Variants in MYO19 observed in about 807,000 individuals in gnomAD.
MYO19 encodes the protein myosin XIX, also known as unconventional myosin-XIX.
Under a neutral mutation model 129.2 loss-of-function variants are expected in MYO19, and 132 were observed. That is an observed-to-expected ratio of 1.02 (90% CI 0.89 to 1.18). The LOEUF (loss-of-function observed/expected upper bound fraction) is 1.18. MYO19 is among the 50% of genes most tolerant of loss of function. The probability of loss-of-function intolerance (pLI) is 0.00; values close to 1 mark genes in which losing one functional copy is unlikely to be tolerated. For synonymous variants in MYO19, 531 were observed against 477.2 expected, an observed-to-expected ratio of 1.11 and a Z score of -1.47; for missense variants, 1,210 against 1,216.7, an observed-to-expected ratio of 0.99 and a Z score of 0.08.
Position 36,503,175 on chromosome 17 carries a change from GT to G in MYO19, c.2001del (p.Glu667AspfsTer6), listed in dbSNP as rs772706082. The G allele has an allele frequency of 1.2e-4, 196 of 1,613,890 alleles. No homozygotes were observed. The highest frequency in any genetic ancestry group is 1.6e-4 in the Non-Finnish European group (190 of 1,179,890). ...PIRVSHRNFV[E>X]RYKLLRRLHP... The stretch of plus-strand genomic sequence containing the variant: ...TGAAGCCTTCTTAGTAACTTGTATC[GT>G]TCTACAAAGTTTCGGTGAGAGACCC... On this transcript the variant is annotated frameshift_variant, in exon 21 of 26. Coordinates refer to ENST00000614623, the MANE Select transcript of MYO19 (RefSeq NM_001163735.2). LOFTEE classifies it high-confidence loss of function.
intron 6 of MYO19, among the ~76,000 whole-genome samples, chr17:36,518,552 A>ATATATATG (rs1384289873): frequency 2.5e-5 from 2 of 78,924 alleles, no homozygotes; most frequent in African/African-American, 1.0e-4. Context: ...ATATATATAT[A>ATATATATG]TGTGTATGTG....
At chr17:36,522,040 A>G (rs2073167136) in intron 6 of MYO19, among the ~76,000 whole-genome samples, 1 of 150,902 alleles carries the variant, frequency 6.6e-6, no homozygotes, top group East Asian at 1.9e-4. Flanking sequence ...AAAAAAAAAA[A>G]AAAAAAAGAA....
Position 36,507,093 on chromosome 17 carries a change from C to A in MYO19, c.1514G>T (p.Arg505Leu), listed in dbSNP as rs201468610. Residue 505 changes from arginine (R) to leucine (L), a missense_variant, in exon 17 of 26, where the codon CGC becomes CTC. Arg to Leu is a moderately radical substitution (Grantham distance 102). Coordinates refer to ENST00000614623, the MANE Select transcript of MYO19 (RefSeq NM_001163735.2). ...GCTGCCTGCCAGGGCAGTCTCAATG[C>A]GTGTCTGGAGCTGGGCTGCGCTGCT... ...RPSSAAQLQTRIETALAGSPC... is the reference protein window; with the variant it reads ...RPSSAAQLQTLIETALAGSPC... 6.2e-6 allele frequency: 10 copies of A among 1,612,892 alleles called. No homozygotes were observed. The highest frequency in any genetic ancestry group is 1.1e-5 in the South Asian group (1 of 91,040).
At chr17:36,501,580 A>G (rs1401386698) in intron 21 of MYO19, 2 of 214,278 alleles carry the variant, frequency 9.3e-6, no homozygotes, top group East Asian at 2.1e-4. Flanking sequence ...CAGGCTGCTC[A>G]GCCAGCATTT....
chr17:36,537,501 G>A (rs768280179), upstream of MYO19: 5 of 1,613,994 alleles, frequency 3.1e-6, no homozygotes, highest in South Asian at 4.4e-5. Flanking sequence ...CTGTTTCCGT[G>A]TAATTACCAG....
chr17:36,502,182 T>C (rs893724660), intron 21 of MYO19, among the ~76,000 whole-genome samples: 2 of 152,096 alleles, frequency 1.3e-5, no homozygotes, highest in African/African-American at 4.8e-5. Flanking sequence ...CTTGGCCTGT[T>C]CTCCCTCTGC....
upstream of MYO19, chr17:36,537,612 G>C: frequency 6.2e-7 from 1 of 1,614,172 alleles, no homozygotes; most frequent in Non-Finnish European, 8.5e-7. Context: ...GGATTTTGGA[G>C]TAGGTGGCTT....
intron 25 of MYO19, chr17:36,497,796 G>T (rs1478498364): frequency 6.4e-6 from 1 of 155,836 alleles, no homozygotes; most frequent in Non-Finnish European, 1.4e-5. Flanking sequence ...TGTTGGCCAG[G>T]CTGGTCTTGA....
rs2072316824 is a variant in MYO19, at chr17:36,511,426, A to G, written c.924T>C (p.Asn308=). 1 of 1,569,038 alleles carries G rather than the reference A, an allele frequency of 6.4e-7. No individual in the cohort carries two copies. Among genetic ancestry groups the G allele is most frequent in the African/African-American group, 1.4e-5 (1 of 73,726 alleles). The change falls in exon 12 of 26, where the codon AAT becomes AAC. Residue 308 remains asparagine, a synonymous_variant. Coordinates refer to ENST00000614623, the MANE Select transcript of MYO19 (RefSeq NM_001163735.2). ...CATCCTCGGAGGCAGCAAACTGGAT[A>G]TTGCCAAGGTGCAGCAGTCCAGCTA... is the stretch of plus-strand genomic sequence containing the variant. The part of the protein sequence containing the change: ...KVLAGLLHLG[N]IQFAASEDEA...
At chr17:36,526,340 G>A (rs188798640) in intron 5 of MYO19, among the ~76,000 whole-genome samples, 19 of 151,996 alleles carry the variant, frequency 1.3e-4, no homozygotes, top group African/African-American at 3.6e-4. Context: ...TGGCTTTCTC[G>A]TCTTCCTGCT....
At chr17:36,508,168 T>C (rs1291544744) in intron 14 of MYO19, 3 of 360,802 alleles carry the variant, frequency 8.3e-6, no homozygotes, top group Non-Finnish European at 1.5e-5. Context: ...CCAAATGAAG[T>C]GTGAAGACAG....
At chr17:36,514,880 A>G (rs1349381709) in intron 8 of MYO19, among the ~76,000 whole-genome samples, 6 of 152,222 alleles carry the variant, frequency 3.9e-5, no homozygotes, top group Non-Finnish European at 7.4e-5. Context: ...AGTAAAAGCC[A>G]GGAGGAACCC....
intron 3 of MYO19, among the ~76,000 whole-genome samples, chr17:36,532,321 T>A (rs1469889105): frequency 2.0e-5 from 3 of 152,038 alleles, no homozygotes; most frequent in African/African-American, 7.3e-5. Flanking sequence ...ACCTTACCTA[T>A]CCCAAAGAAA....
Position 36,509,149 on chromosome 17 carries a change from A to G in MYO19, c.1158-14T>C. The G allele has an allele frequency of 6.2e-7, 1 of 1,613,188 alleles. No individual in the cohort carries two copies. Among genetic ancestry groups the G allele is most frequent in the Non-Finnish European group, 8.5e-7 (1 of 1,179,434 alleles). Reference sequence around the variant, plus strand: ...CAGTCAAACAACCTGTTGGGGGAAGAGAGTGGACTCTGGTAAGAGGGTCTG... The same window carrying G: ...CAGTCAAACAACCTGTTGGGGGAAGGGAGTGGACTCTGGTAAGAGGGTCTG... On this transcript the variant is annotated splice_polypyrimidine_tract_variant and intron_variant, in intron 13 of 25. Transcript: ENST00000614623.
At chr17:36,521,191 G>A (rs1179278630) in intron 6 of MYO19, among the ~76,000 whole-genome samples, 2 of 152,162 alleles carry the variant, frequency 1.3e-5, no homozygotes, top group African/African-American at 2.4e-5. Flanking sequence ...AGTTTAAAAA[G>A]CTACTTACAG....
intron 6 of MYO19, among the ~76,000 whole-genome samples, chr17:36,522,789 C>T (rs1374010767): frequency 1.3e-5 from 2 of 152,044 alleles, no homozygotes; most frequent in Non-Finnish European, 2.9e-5. Context: ...GAGTGGATCA[C>T]GAGGTCAGGA....
At chr17:36,528,534 A>C (rs2073633907) in intron 3 of MYO19, among the ~76,000 whole-genome samples, 1 of 151,486 alleles carries the variant, frequency 6.6e-6, no homozygotes, top group Non-Finnish European at 1.5e-5. Context: ...ACCAAAAAAC[A>C]TGAAGGCCGC....
In MYO19 at chr17:36,496,414, G is replaced by A; in HGVS notation, c.2758-8C>T. On this transcript the variant is annotated splice_polypyrimidine_tract_variant and splice_region_variant and intron_variant, in intron 25 of 25. Transcript: ENST00000614623. ...GTGAAACTTTATCGATCCCTAGAGG[G>A]GAGAGAGAGATGCAGCTTTAGCACT... 1.2e-6 allele frequency: 2 copies of A among 1,613,740 alleles called. No homozygotes were observed. The highest frequency in any genetic ancestry group is 2.7e-5 in the African/African-American group (2 of 75,024).
rs760637363 is a variant in MYO19, at chr17:36,498,285, G to C, written c.2738C>G (p.Ser913Cys). 6 of 1,612,608 alleles carry C rather than the reference G, an allele frequency of 3.7e-6. No homozygotes were observed. The highest frequency in any genetic ancestry group is 1.7e-4 in the Middle Eastern group (1 of 6,058). ...ACGTACCTGAGGCAGCGCTCGGATG[G>C]ACGTGACACCAGCCTGGTCTTGTGC... ...QTAQDQAGVT[S>C]IRALPQGSIK... The change falls in exon 25 of 26, where the codon TCC (serine) becomes TGC (cysteine). Residue 913 changes from serine (S) to cysteine (C), a missense_variant. Physicochemically the swap from Ser to Cys is moderately radical, Grantham distance 112 (BLOSUM62 -1). Transcript: ENST00000614623.
Sources: allele counts gnomAD v4.1 joint callset (sites outside exome capture counted in the v4.1 genomes callset), GRCh38; gene constraint gnomAD v4.1.1; transcripts MANE v1.5; gene names NCBI Gene and HGNC (gene_info 2026-07-23, HGNC 2026-07-21).